Variants in ABCC2 observed in about 807,000 individuals in gnomAD.
ABCC2 encodes the protein ATP-binding cassette sub-family C member 2.
In ABCC2, 157 loss-of-function variants were observed where a neutral mutation model predicts 173.4. The observed-to-expected ratio is 0.91, with a 90% confidence interval of 0.80 to 1.03. ABCC2 has a LOEUF of 1.03. Among genes scored for constraint, ABCC2 ranks in the 50% least tolerant of loss-of-function variants. ABCC2 has a pLI of 0.00. For missense variants in ABCC2, 1,822 were observed against 1,852.3 expected, an observed-to-expected ratio of 0.98 and a Z score of 0.30; for synonymous variants, 657 against 693.5, an observed-to-expected ratio of 0.95 and a Z score of 0.83.
chr10:99,785,316 G>A (rs1206623079), intron 2 of ABCC2, among the ~76,000 whole-genome samples: 1 of 152,136 alleles, frequency 6.6e-6, no homozygotes, highest in Non-Finnish European at 1.5e-5. Flanking sequence ...ACAAGCACGA[G>A]TAGGGAAATA....
chr10:99,845,292 C>T (rs888383544), intron 28 of ABCC2, among the ~76,000 whole-genome samples: 9 of 152,108 alleles, frequency 5.9e-5, no homozygotes, highest in African/African-American at 2.2e-4. Flanking sequence ...CTTGGCCTCC[C>T]GAAGTGCTGG....
chr10:99,802,625 A>G (rs2038031921), intron 9 of ABCC2, among the ~76,000 whole-genome samples: 2 of 152,156 alleles, frequency 1.3e-5, no homozygotes, highest in African/African-American at 4.8e-5. Context: ...AAGAATCCTA[A>G]TATGTTCCAA....
chr10:99,785,975 G>C (rs1033874022), intron 2 of ABCC2, among the ~76,000 whole-genome samples: 2 of 152,132 alleles, frequency 1.3e-5, no homozygotes, highest in African/African-American at 2.4e-5. Flanking sequence ...TTGAGGTTGG[G>C]GTTGATCGTG....
At chr10:99,850,571 G>A in intron 30 of ABCC2, 31 bp from the exon 31 acceptor site, 4 of 1,611,960 alleles carry the variant, frequency 2.5e-6, no homozygotes, top group Non-Finnish European at 3.4e-6. Flanking sequence ...GTCTTTAGGA[G>A]CTAACACATG....
intron 30 of ABCC2, 104 bp from the exon 31 acceptor site, chr10:99,850,498 G>C (rs2039072602): frequency 8.9e-7 from 1 of 1,121,110 alleles, no homozygotes; most frequent in African/African-American, 1.5e-5. Context: ...AATTTTGGAG[G>C]GGGGGTTTTG....
Position 99,793,603 on chromosome 10 carries a change from C to T in ABCC2, c.386C>T (p.Ser129Phe). Residue 129 changes from serine (S) to phenylalanine (F), a missense_variant, in exon 4 of 32, where the codon TCC becomes TTC. Coordinates refer to ENST00000647814, the MANE Select transcript of ABCC2 (RefSeq NM_000392.5). ...AGACAATGGTGTGTACAGAAAAACT[C>T]CTGGTTCCTGTCCCTATTCTGGATT... ...YSRQWCVQKN[S>F]WFLSLFWILS... is the part of the protein sequence containing the mutation. 1 of 1,614,098 alleles carries T rather than the reference C, an allele frequency of 6.2e-7. No homozygotes were observed. Among genetic ancestry groups the T allele is most frequent in the Non-Finnish European group, 8.5e-7 (1 of 1,179,990 alleles).
rs373245901 is a variant in ABCC2, at chr10:99,814,162, C to CATATGT, written c.2094+1018_2094+1019insATATGT. On this transcript the variant is annotated intron_variant, in intron 16 of 31. Coordinates refer to ENST00000647814, the MANE Select transcript of ABCC2 (RefSeq NM_000392.5). ...ATATACACACATGTATGTATACACA[C>CATATGT]GTATATATACACACATGTATGTATA... is the stretch of plus-strand genomic sequence containing the variant. Among the ~76,000 whole-genome samples, 28 of 26,606 alleles carry CATATGT rather than the reference C, an allele frequency of 1.1e-3. 2 individuals carry two copies. Among genetic ancestry groups the CATATGT allele is most frequent in the African/African-American group, 2.6e-3 (16 of 6,120 alleles). The allele number at this position is 26,606 out of a possible 152,430, so 17.5% of individuals were successfully genotyped here. A position where few individuals can be genotyped will look rare whatever the true frequency, so the allele number is the denominator to read the frequency against.
intron 28 of ABCC2, among the ~76,000 whole-genome samples, 189 bp from the exon 29 acceptor site, chr10:99,845,432 CAAT>C (rs2039002743): frequency 6.6e-6 from 1 of 152,158 alleles, no homozygotes; most frequent in African/African-American, 2.4e-5. Flanking sequence ...TCTCAGCAAA[CAAT>C]GATTTTTGGC....
At chr10:99,795,321 C>T (rs1315941177) in intron 6 of ABCC2, among the ~76,000 whole-genome samples, 6 of 152,052 alleles carry the variant, frequency 3.9e-5, no homozygotes, top group African/African-American at 1.4e-4. Context: ...TTTATTAATG[C>T]ATTAAATAAC....
intron 2 of ABCC2, among the ~76,000 whole-genome samples, chr10:99,785,551 C>G (rs907099790): frequency 3.9e-5 from 6 of 152,128 alleles, no homozygotes; most frequent in Non-Finnish European, 7.3e-5. Context: ...GAGTCTCACT[C>G]TGTTGCCCAG....
intron 30 of ABCC2, among the ~76,000 whole-genome samples, chr10:99,848,217 G>A (rs2039045252): frequency 6.6e-6 from 1 of 152,206 alleles, no homozygotes; most frequent in Non-Finnish European, 1.5e-5. Flanking sequence ...AAAATCCGTA[G>A]GCACTGTTGA....
intron 9 of ABCC2, among the ~76,000 whole-genome samples, chr10:99,803,285 C>G (rs2038043092): frequency 6.6e-6 from 1 of 152,208 alleles, no homozygotes; most frequent in African/African-American, 2.4e-5. Context: ...AGTGATTTTA[C>G]TTCAAAGTTT....
intron 2 of ABCC2, among the ~76,000 whole-genome samples, chr10:99,791,223 C>T (rs931633967): frequency 1.3e-5 from 2 of 152,056 alleles, no homozygotes; most frequent in Non-Finnish European, 2.9e-5. Context: ...GCCTGGCCAA[C>T]ATGGTAAAAT....
At chr10:99,841,922 G>T in intron 25 of ABCC2, 45 bp from the exon 26 acceptor site, 1 of 1,613,842 alleles carries the variant, frequency 6.2e-7, no homozygotes, top group Non-Finnish European at 8.5e-7. Flanking sequence ...GTTAAGATGA[G>T]GACGTGATCA....
chr10:99,817,169 A>T (rs1419110307), intron 16 of ABCC2, 139 bp from the exon 17 acceptor site: 1 of 771,078 alleles, frequency 1.3e-6, no homozygotes, highest in East Asian at 2.7e-5. Flanking sequence ...GTGAATACAT[A>T]TCAGATCCTC....
At chr10:99,802,989 G>C (rs575485102) in intron 9 of ABCC2, among the ~76,000 whole-genome samples, 273 of 152,252 alleles carry the variant, frequency 1.8e-3, no homozygotes, top group African/African-American at 6.2e-3. Context: ...TATTTTTCAA[G>C]ACGGAGTCTC....
In ABCC2 at chr10:99,805,410, G is replaced by A. The variant is rs186620377; in HGVS notation, c.1493G>A (p.Arg498His). The change falls in exon 11 of 32, where the codon CGT becomes CAT. Residue 498 changes from arginine to histidine, a missense_variant. Arg to His is a conservative substitution (Grantham distance 29). Transcript: ENST00000647814. Reference sequence around the variant, plus strand: ...AAAAATATGAAGAATAAAGACAAACGTTTAAAGATCATGAATGAGATTCTT... The same window carrying A: ...AAAAATATGAAGAATAAAGACAAACATTTAAAGATCATGAATGAGATTCTT... ...QVKNMKNKDK[R>H]LKIMNEILSG... 6.1e-5 allele frequency: 99 copies of A among 1,613,902 alleles called. No homozygotes were observed. The highest frequency in any genetic ancestry group is 1.2e-4 in the Admixed American group (7 of 60,000).
chr10:99,805,340 A>C, intron 10 of ABCC2, 42 bp from the exon 11 acceptor site: 1 of 1,579,424 alleles, frequency 6.3e-7, no homozygotes, highest in Non-Finnish European at 8.7e-7. Context: ...GCCCTCTCTC[A>C]TGGAAGCGTA....
chr10:99,800,045 A>G (rs2133001332), intron 8 of ABCC2, among the ~76,000 whole-genome samples: 1 of 152,258 alleles, frequency 6.6e-6, no homozygotes, highest in African/African-American at 2.4e-5. Context: ...CTACAAAAGA[A>G]AATAGTTAGC....
Sources: allele counts gnomAD v4.1 joint callset (sites outside exome capture counted in the v4.1 genomes callset), GRCh38; gene constraint gnomAD v4.1.1; transcripts MANE v1.5; gene names NCBI Gene and HGNC (gene_info 2026-07-23, HGNC 2026-07-21).